The following LRFN2 variants were observed in gnomAD, a reference collection of about 807,000 sequenced individuals.
LRFN2 encodes leucine rich repeat and fibronectin type III domain containing 2.
LRFN2 carries 18 observed loss-of-function variants against 37.3 expected under a neutral mutation model. That is an observed-to-expected ratio of 0.48 (90% CI 0.33 to 0.72). LRFN2 has a LOEUF of 0.72. Ranked by LOEUF, LRFN2 falls within the 30% of genes least tolerant of loss-of-function variation. The pLI is 0.02. For missense variants in LRFN2, 1,006 were observed against 1,060.7 expected (o/e 0.95, Z 0.72); for synonymous variants, 556 against 466.6 (o/e 1.19, Z -2.47).
intron 1 of LRFN2, among the ~76,000 whole-genome samples, chr6:40,541,064 A>T (rs1766546862): frequency 6.6e-6 from 1 of 152,184 alleles, no homozygotes; most frequent in Non-Finnish European, 1.5e-5. Context: ...GTGGGCACAG[A>T]GCCAGGCACA....
intron 1 of LRFN2, among the ~76,000 whole-genome samples, chr6:40,510,260 G>A (rs866618346): frequency 8.5e-5 from 13 of 152,120 alleles, no homozygotes; most frequent in African/African-American, 9.7e-5. Context: ...AGGCCATGAC[G>A]GGAATCCTAT....
chr6:40,562,667 C>T (rs1240649100), intron 1 of LRFN2, among the ~76,000 whole-genome samples: 2 of 152,158 alleles, frequency 1.3e-5, no homozygotes, highest in African/African-American at 2.4e-5. Flanking sequence ...TGGGGCCTCC[C>T]TGTCCTGCCA....
intron 1 of LRFN2, among the ~76,000 whole-genome samples, chr6:40,484,493 G>C (rs575248207): frequency 6.6e-6 from 1 of 152,330 alleles, no homozygotes; most frequent in African/African-American, 2.4e-5. Flanking sequence ...GGGGACCCCA[G>C]AGAAGAGCAG....
chr6:40,466,945 CA>C (rs1353632476), intron 1 of LRFN2, among the ~76,000 whole-genome samples: 18 of 152,098 alleles, frequency 1.2e-4, no homozygotes, highest in African/African-American at 4.1e-4. Context: ...TGGACATGGA[CA>C]CACACAGAGG....
chr6:40,582,913 GGA>G (rs1380524421), intron 1 of LRFN2, among the ~76,000 whole-genome samples: 3 of 152,104 alleles, frequency 2.0e-5, no homozygotes, highest in African/African-American at 7.2e-5. Flanking sequence ...TTGATAAAAT[GGA>G]GATCCCTACT....
chr6:40,488,198 A>G (rs777267469), intron 1 of LRFN2, among the ~76,000 whole-genome samples: 1 of 152,176 alleles, frequency 6.6e-6, no homozygotes, highest in Non-Finnish European at 1.5e-5. Context: ...AAACAAGGAG[A>G]GCACCTGTCA....
At chr6:40,411,948 T>A (rs1762977910) in intron 2 of LRFN2, among the ~76,000 whole-genome samples, 1 of 152,192 alleles carries the variant, frequency 6.6e-6, no homozygotes, top group Non-Finnish European at 1.5e-5. Context: ...TCTAAACATC[T>A]GGAACAGGAG....
intron 1 of LRFN2, among the ~76,000 whole-genome samples, chr6:40,538,065 G>T (rs7769991): frequency 0.47 from 71,450 of 151,942 alleles, 17,496 homozygotes; most frequent in African/African-American, 0.6. Flanking sequence ...ACCAACGCTC[G>T]CCTTGGAACG....
intron 1 of LRFN2, among the ~76,000 whole-genome samples, chr6:40,579,792 G>A (rs1221519609): frequency 6.6e-6 from 1 of 152,192 alleles, no homozygotes. Context: ...TGCACACAGG[G>A]ATTGGAGAGG....
At chr6:40,529,650 C>T (rs1766312784) in intron 1 of LRFN2, among the ~76,000 whole-genome samples, 1 of 152,228 alleles carries the variant, frequency 6.6e-6, no homozygotes, top group African/African-American at 2.4e-5. Context: ...TCAATAGTCA[C>T]ATTTCATTGC....
intron 1 of LRFN2, among the ~76,000 whole-genome samples, chr6:40,495,192 C>T (rs1765197379): frequency 1.3e-5 from 2 of 152,214 alleles, no homozygotes; most frequent in African/African-American, 4.8e-5. Flanking sequence ...TGGTCCTCCT[C>T]ACCAGACAAC....
intron 2 of LRFN2, among the ~76,000 whole-genome samples, chr6:40,406,133 A>G (rs1227129282): frequency 6.6e-6 from 1 of 152,194 alleles, no homozygotes; most frequent in Non-Finnish European, 1.5e-5. Context: ...GTCACTGACC[A>G]GCAGTGTGAC....
rs544942976 is a variant in LRFN2 at position 40,412,479 on chromosome 6, G to A, written c.1400+19235C>T. On this transcript the variant is annotated intron_variant, in intron 2 of 2. Coordinates refer to ENST00000338305, the MANE Select transcript of LRFN2 (RefSeq NM_020737.3). ...TGACTGACAAGTACATCGTCTGGAGGGTATGAGAGTCGCTCAGACCATGCA... is the reference window on the plus strand; with the variant it reads ...TGACTGACAAGTACATCGTCTGGAGAGTATGAGAGTCGCTCAGACCATGCA... Among the ~76,000 whole-genome samples, 249 of 152,264 alleles carry A rather than the reference G, an allele frequency of 1.6e-3. 1 individual carries two copies. The highest frequency in any genetic ancestry group is 2.6e-3 in the Non-Finnish European group (180 of 68,028).
chr6:40,509,158 A>G (rs1252813328), intron 1 of LRFN2, among the ~76,000 whole-genome samples: 1 of 152,238 alleles, frequency 6.6e-6, no homozygotes, highest in Non-Finnish European at 1.5e-5. Flanking sequence ...TCAATGACCT[A>G]GCCAAGGATG....
At chr6:40,417,563 G>A (rs1308068205) in intron 2 of LRFN2, among the ~76,000 whole-genome samples, 1 of 152,204 alleles carries the variant, frequency 6.6e-6, no homozygotes. Flanking sequence ...GTACAAGGTT[G>A]TGGGGTAGAG....
chr6:40,479,465 A>G (rs1449209123), intron 1 of LRFN2, among the ~76,000 whole-genome samples: 2 of 152,198 alleles, frequency 1.3e-5, no homozygotes, highest in African/African-American at 2.4e-5. Flanking sequence ...TTTCCTTATC[A>G]GTAAAATGGG....
intron 1 of LRFN2, among the ~76,000 whole-genome samples, chr6:40,525,962 A>T (rs1435010180): frequency 1.3e-5 from 2 of 152,110 alleles, no homozygotes; most frequent in African/African-American, 4.8e-5. Context: ...GCAAATACAC[A>T]CTGAACACGA....
At chr6:40,486,552 A>G (rs1764963365) in intron 1 of LRFN2, among the ~76,000 whole-genome samples, 1 of 152,120 alleles carries the variant, frequency 6.6e-6, no homozygotes, top group Non-Finnish European at 1.5e-5. Flanking sequence ...AGGAATGGGT[A>G]GAGGGTCAGA....
At chr6:40,493,623 C>T (rs767106608) in intron 1 of LRFN2, among the ~76,000 whole-genome samples, 11 of 152,226 alleles carry the variant, frequency 7.2e-5, no homozygotes, top group Non-Finnish European at 1.5e-4. Flanking sequence ...GAAGCCCCAG[C>T]TCTGTCTCAA....
Sources: gnomAD v4.1 joint callset for allele counts (sites outside exome capture counted in the v4.1 genomes callset) on GRCh38, gnomAD v4.1.1 for gene constraint, MANE v1.5 for transcripts, NCBI Gene and HGNC (gene_info 2026-07-23, HGNC 2026-07-21) for gene names.